Variants in PDE4D observed in about 807,000 individuals in gnomAD.
The protein encoded by PDE4D is 3',5'-cyclic-AMP phosphodiesterase 4D.
A neutral mutation model predicts 87.4 loss-of-function variants in PDE4D; 24 were observed. The ratio of observed to expected loss-of-function variants is 0.27; its 90% CI spans 0.20 to 0.39. The LOEUF (loss-of-function observed/expected upper bound fraction) is 0.39, where lower values mean the gene tolerates loss of function less well. Among genes scored for constraint, PDE4D ranks in the 10% least tolerant of loss-of-function variants. The pLI, the probability that PDE4D is intolerant of heterozygous loss-of-function variation, is 1.00. For missense variants in PDE4D, 714 were observed against 1,041.0 expected (o/e 0.69, Z 4.32); for synonymous variants, 384 against 383.2 (o/e 1.00, Z -0.02).
chr5:59,197,535 T>C (rs1322980674), intron 2 of PDE4D, among the ~76,000 whole-genome samples: 2 of 152,182 alleles, frequency 1.3e-5, no homozygotes, highest in Admixed American at 6.5e-5. Context: ...ATACCTAACA[T>C]ATAATTTTAA....
intron 5 of PDE4D, among the ~76,000 whole-genome samples, chr5:59,125,016 A>G (rs1264558853): frequency 6.6e-6 from 1 of 151,442 alleles, no homozygotes; most frequent in African/African-American, 2.4e-5. Flanking sequence ...CAAAAGACTT[A>G]TATCTGCTAC....
At chr5:58,977,475 A>G (rs1268806598) in intron 11 of PDE4D, 130 bp from the exon 12 acceptor site, 2 of 750,400 alleles carry the variant, frequency 2.7e-6, no homozygotes, top group Admixed American at 2.7e-5. Flanking sequence ...ACCTGACAAT[A>G]TCCAGGAGAG....
intron 1 of PDE4D, among the ~76,000 whole-genome samples, chr5:59,636,048 A>C (rs947521183): frequency 7.9e-5 from 12 of 151,906 alleles, no homozygotes; most frequent in Non-Finnish European, 1.5e-4. Context: ...CTCAGGATAA[A>C]AACTCAATGT....
intron 5 of PDE4D, chr5:59,039,552 C>G: frequency 1.0e-6 from 1 of 982,832 alleles, no homozygotes; most frequent in Non-Finnish European, 1.2e-6. Flanking sequence ...GCGGCAGGCG[C>G]AGCGCGGCTC....
At chr5:60,133,813 T>C (rs1347502930) in intron 2 of PDE4D, among the ~76,000 whole-genome samples, 1 of 152,210 alleles carries the variant, frequency 6.6e-6, no homozygotes, top group Non-Finnish European at 1.5e-5. Flanking sequence ...TCCTTGTAAC[T>C]ATATACTCTA....
chr5:60,109,983 C>A (rs891327458), intron 2 of PDE4D, among the ~76,000 whole-genome samples: 8 of 151,796 alleles, frequency 5.3e-5, no homozygotes, highest in Non-Finnish European at 1.2e-4. Flanking sequence ...GCACATTGTG[C>A]ACATGTACCC....
intron 3 of PDE4D, among the ~76,000 whole-genome samples, chr5:59,965,602 C>T (rs6896912): frequency 0.85 from 129,586 of 151,880 alleles, 55,336 homozygotes; most frequent in East Asian, 0.97. Context: ...AATGAAGGAA[C>T]CAATGCACGA....
chr5:59,329,728 G>T (rs1399053128), intron 1 of PDE4D, among the ~76,000 whole-genome samples: 5 of 152,142 alleles, frequency 3.3e-5, no homozygotes, highest in African/African-American at 1.2e-4. Context: ...GGCTGTCCTT[G>T]TCTACTTATT....
intron 1 of PDE4D, among the ~76,000 whole-genome samples, chr5:59,836,970 G>T (rs1014650316): frequency 6.6e-6 from 1 of 151,792 alleles, no homozygotes; most frequent in African/African-American, 2.4e-5. Context: ...TGTCTCAGAG[G>T]TTCATCTATC....
chr5:59,037,038 C>T (rs537643800), intron 6 of PDE4D, among the ~76,000 whole-genome samples: 1 of 152,062 alleles, frequency 6.6e-6, no homozygotes, highest in African/African-American at 2.4e-5. Flanking sequence ...TATCTGGTGC[C>T]TTTAAAAGAA....
At chr5:59,195,035 C>G (rs1431935523) in intron 2 of PDE4D, among the ~76,000 whole-genome samples, 1 of 152,090 alleles carries the variant, frequency 6.6e-6, no homozygotes, top group East Asian at 1.9e-4. Context: ...TTCTCTTTTG[C>G]ATGTGCTCAC....
At chr5:59,069,050 T>G (rs1009401954) in intron 5 of PDE4D, among the ~76,000 whole-genome samples, 2 of 152,304 alleles carry the variant, frequency 1.3e-5, no homozygotes, top group South Asian at 4.1e-4. Flanking sequence ...ATTCAAGTAG[T>G]CAGAATCAAA....
intron 5 of PDE4D, among the ~76,000 whole-genome samples, chr5:59,135,690 ACGCCAGCAC>A (rs1156775774): frequency 6.6e-6 from 1 of 151,258 alleles, no homozygotes; most frequent in Non-Finnish European, 1.5e-5. Context: ...TATCTCCCAT[ACGCCAGCAC>A]TATGCAGATG....
intron 1 of PDE4D, among the ~76,000 whole-genome samples, chr5:59,322,663 G>A (rs560923634): frequency 6.6e-6 from 1 of 152,240 alleles, no homozygotes; most frequent in Non-Finnish European, 1.5e-5. Context: ...CTCCCTCAGT[G>A]ATATTGGGTT....
rs967533146 is a variant in PDE4D at position 59,010,413 on chromosome 5, T to A, written c.922-16948A>T. Among the ~76,000 whole-genome samples the A allele has an allele frequency of 3.3e-5, 5 of 152,174 alleles. 1 individual carries two copies. The highest frequency in any genetic ancestry group is 3.3e-4 in the Admixed American group (5 of 15,272). ...TTATTATTTTATTTTTTTTTAATTC[T>A]TTGTAATAAAAAGTTCCATAAAGTA... On this transcript the variant is annotated intron_variant, in intron 6 of 14. Coordinates refer to ENST00000340635, the MANE Select transcript of PDE4D (RefSeq NM_001104631.2).
At chr5:60,300,410 C>T (rs1047956780) in intron 1 of PDE4D, among the ~76,000 whole-genome samples, 2 of 151,974 alleles carry the variant, frequency 1.3e-5, no homozygotes, top group Admixed American at 1.3e-4. Flanking sequence ...TTAATTAGAT[C>T]CCATTTGTCA....
intron 1 of PDE4D, among the ~76,000 whole-genome samples, chr5:59,462,070 A>G (rs185824936): frequency 6.6e-6 from 1 of 152,288 alleles, no homozygotes; most frequent in Admixed American, 6.5e-5. Context: ...GGCAAATAAC[A>G]TAAGACAATA....
intron 1 of PDE4D, among the ~76,000 whole-genome samples, chr5:59,553,590 T>C (rs763578040): frequency 6.6e-6 from 1 of 152,160 alleles, no homozygotes; most frequent in Non-Finnish European, 1.5e-5. Context: ...ACAGCCTGTC[T>C]CTAGATATAG....
At chr5:60,205,742 A>G (rs1207022166) in intron 1 of PDE4D, among the ~76,000 whole-genome samples, 1 of 152,018 alleles carries the variant, frequency 6.6e-6, no homozygotes, top group Non-Finnish European at 1.5e-5. Context: ...AAAAAAAAAA[A>G]AATTAGCCAG....
Sources: gnomAD v4.1 joint callset for allele counts (sites outside exome capture counted in the v4.1 genomes callset) on GRCh38, gnomAD v4.1.1 for gene constraint, MANE v1.5 for transcripts, NCBI Gene and HGNC (gene_info 2026-07-23, HGNC 2026-07-21) for gene names.